TRIM33: variants seen among roughly 807,000 people sequenced by gnomAD.
The protein encoded by TRIM33 is tripartite motif containing 33.
Under a neutral mutation model 125.4 loss-of-function variants are expected in TRIM33, and 20 were observed. The observed-to-expected ratio is 0.16, with a 90% CI of 0.11 to 0.23. The LOEUF is 0.23. Among genes scored for constraint, TRIM33 ranks in the 10% least tolerant of loss-of-function variants. The pLI is 1.00. For synonymous variants in TRIM33, 564 were observed against 513.9 expected (o/e 1.10, Z -1.32); for missense variants, 920 against 1,411.4 (o/e 0.65, Z 5.58).
At chr1:114,490,383 TAAC>T (rs1651991377) in intron 1 of TRIM33, among the ~76,000 whole-genome samples, 1 of 152,092 alleles carries the variant, frequency 6.6e-6, no homozygotes, top group South Asian at 2.1e-4. Context: ...ATAAAAAAGA[TAAC>T]AATTGTTGGC....
intron 1 of TRIM33, among the ~76,000 whole-genome samples, chr1:114,507,734 C>T (rs1288284060): frequency 6.6e-6 from 1 of 152,212 alleles, no homozygotes; most frequent in Non-Finnish European, 1.5e-5. Flanking sequence ...ATCTAGTGCT[C>T]TTTCCAGCAC....
chr1:114,416,011 A>T (rs950831749), intron 11 of TRIM33, among the ~76,000 whole-genome samples: 3 of 151,524 alleles, frequency 2.0e-5, no homozygotes, highest in African/African-American at 7.3e-5. Flanking sequence ...TCTCCCTATT[A>T]TATAAGAAAC....
intron 18 of TRIM33, among the ~76,000 whole-genome samples, chr1:114,398,955 C>T (rs1572002562): frequency 6.9e-6 from 1 of 145,752 alleles, no homozygotes; most frequent in South Asian, 2.2e-4. Flanking sequence ...CTCCCCAAAC[C>T]AAAAAACATA....
rs1653329448 is a variant in TRIM33, at chr1:114,510,985, G to GCGGCGGGCC, written c.83_91dup (p.Gly28_Ala30dup). 1.3e-5 allele frequency: 18 copies of GCGGCGGGCC among 1,344,548 alleles called. No individual in the cohort carries two copies. The highest frequency in any genetic ancestry group is 3.4e-5 in the Admixed American group (1 of 29,750). The allele number at this position is 1,344,548 out of a possible 1,614,324, so 83.3% of individuals were successfully genotyped here. ...GGTGAGAGGCGGCTCCGCCTCCTGC[G>GCGGCGGGCC]CGGCGGGCCCGGCGGCCCCGGCAGT... On this transcript the variant is annotated inframe_insertion, in exon 1 of 20. Transcript: ENST00000358465.
intron 18 of TRIM33, among the ~76,000 whole-genome samples, chr1:114,398,413 T>C (rs1651670983): frequency 6.6e-6 from 1 of 152,138 alleles, no homozygotes; most frequent in Non-Finnish European, 1.5e-5. Context: ...GAAACATGGG[T>C]CTTCTTATCA....
At chr1:114,451,044 G>A (rs189592905) in intron 4 of TRIM33, among the ~76,000 whole-genome samples, 13 of 152,168 alleles carry the variant, frequency 8.5e-5, no homozygotes, top group Non-Finnish European at 1.2e-4. Context: ...ATGAAAAAGC[G>A]CCATTACTAG....
intron 4 of TRIM33, among the ~76,000 whole-genome samples, chr1:114,441,882 T>A (rs1413493925): frequency 2.0e-5 from 3 of 152,230 alleles, no homozygotes; most frequent in Non-Finnish European, 4.4e-5. Flanking sequence ...GCTGGGTAAC[T>A]GACTCATTGA....
chr1:114,429,252 A>G (rs1647786082), intron 6 of TRIM33, among the ~76,000 whole-genome samples: 1 of 151,932 alleles, frequency 6.6e-6, no homozygotes, highest in South Asian at 2.1e-4. Context: ...CGGAGGCGCA[A>G]TCTTGCCTCA....
chr1:114,469,807 A>T (rs1287239954), intron 1 of TRIM33, among the ~76,000 whole-genome samples: 1 of 152,194 alleles, frequency 6.6e-6, no homozygotes, highest in African/African-American at 2.4e-5. Context: ...TGAAGAAAAG[A>T]GACAAAATGA....
At chr1:114,461,569 T>A (rs73005400) in intron 4 of TRIM33, among the ~76,000 whole-genome samples, 9,582 of 151,900 alleles carry the variant, frequency 0.063, 326 homozygotes, top group African/African-American at 0.088. Context: ...ACATTTTTTT[T>A]AAATTATACA....
chr1:114,408,777 A>T, intron 12 of TRIM33, 37 bp from the exon 13 acceptor site: 1 of 1,353,380 alleles, frequency 7.4e-7, no homozygotes, highest in Non-Finnish European at 1.0e-6. Flanking sequence ...ATCAATGCAT[A>T]TAAGAATATT....
chr1:114,433,238 T>A (rs1424326284), intron 5 of TRIM33, among the ~76,000 whole-genome samples: 1 of 152,236 alleles, frequency 6.6e-6, no homozygotes, highest in East Asian at 1.9e-4. Flanking sequence ...AGCACTGTTT[T>A]CAATGCTTGT....
At chr1:114,419,260 C>CCTAAA (rs1653130430) in intron 11 of TRIM33, among the ~76,000 whole-genome samples, 1 of 150,838 alleles carries the variant, frequency 6.6e-6, no homozygotes. Context: ...AAGAAAAACT[C>CCTAAA]CTAAACTACA....
At chr1:114,469,464 C>T (rs1336345626) in intron 1 of TRIM33, among the ~76,000 whole-genome samples, 1 of 152,176 alleles carries the variant, frequency 6.6e-6, no homozygotes, top group Non-Finnish European at 1.5e-5. Flanking sequence ...TTGACATAAT[C>T]ATGGCCTCTT....
chr1:114,506,733 A>C (rs963032092), intron 1 of TRIM33, among the ~76,000 whole-genome samples: 3 of 152,328 alleles, frequency 2.0e-5, no homozygotes, highest in African/African-American at 7.2e-5. Context: ...AAAATCACAA[A>C]AACACTTTAA....
chr1:114,474,292 T>C (rs1369073930), intron 1 of TRIM33, among the ~76,000 whole-genome samples: 3 of 151,856 alleles, frequency 2.0e-5, no homozygotes, highest in Admixed American at 2.0e-4. Flanking sequence ...AGCTGGAGTC[T>C]TGGTGCGGTG....
chr1:114,485,631 T>C (rs1011073946), intron 1 of TRIM33, among the ~76,000 whole-genome samples: 28 of 152,086 alleles, frequency 1.8e-4, no homozygotes, highest in African/African-American at 5.1e-4. Context: ...AAGGGAGAAA[T>C]TGAACTTTCA....
At chr1:114,402,393 T>A (rs1050279875) in intron 16 of TRIM33, among the ~76,000 whole-genome samples, 1 of 152,232 alleles carries the variant, frequency 6.6e-6, no homozygotes, top group African/African-American at 2.4e-5. Context: ...TATTATTATT[T>A]CATTTCTAAT....
chr1:114,434,966 T>C (rs1648186944), intron 4 of TRIM33, among the ~76,000 whole-genome samples: 1 of 152,030 alleles, frequency 6.6e-6, no homozygotes, highest in South Asian at 2.1e-4. Context: ...AATCCACACA[T>C]AAATACTTCA....
Sources: allele counts gnomAD v4.1 joint callset (sites outside exome capture counted in the v4.1 genomes callset), GRCh38; gene constraint gnomAD v4.1.1; transcripts MANE v1.5; gene names NCBI Gene and HGNC (gene_info 2026-07-23, HGNC 2026-07-21).